Variants in RASGRF2 observed in about 807,000 individuals in gnomAD.
The protein encoded by RASGRF2 is ras-specific guanine nucleotide-releasing factor 2.
RASGRF2 carries 76 observed loss-of-function variants against 151.0 expected under a neutral mutation model. The ratio of observed to expected loss-of-function variants is 0.50; its 90% CI spans 0.42 to 0.61. The LOEUF (loss-of-function observed/expected upper bound fraction) is 0.61, where lower values mean the gene tolerates loss of function less well. Among genes scored for constraint, RASGRF2 ranks in the 20% least tolerant of loss-of-function variants. RASGRF2 has a pLI of 0.00. For missense variants in RASGRF2, 1,148 were observed against 1,564.6 expected (o/e 0.73, Z 4.49); for synonymous variants, 504 against 566.5 (o/e 0.89, Z 1.57).
chr5:81,073,980 C>T (rs1045504791), intron 5 of RASGRF2, among the ~76,000 whole-genome samples: 10 of 151,326 alleles, frequency 6.6e-5, no homozygotes, highest in African/African-American at 2.4e-4. Flanking sequence ...TTTTTCTTCT[C>T]TATTTGACCT....
chr5:81,065,999 T>C (rs2112448103), intron 2 of RASGRF2, among the ~76,000 whole-genome samples: 1 of 152,304 alleles, frequency 6.6e-6, no homozygotes, highest in East Asian at 1.9e-4. Flanking sequence ...GACCTGCCTT[T>C]CTCTTTTTCT....
At chr5:81,098,457 A>G (rs1276011236) in intron 12 of RASGRF2, among the ~76,000 whole-genome samples, 3 of 152,114 alleles carry the variant, frequency 2.0e-5, no homozygotes, top group Non-Finnish European at 4.4e-5. Flanking sequence ...ATGCATAGGT[A>G]GAAGTAAGAG....
chr5:81,186,820 C>T (rs545948510), intron 18 of RASGRF2, among the ~76,000 whole-genome samples: 5 of 152,236 alleles, frequency 3.3e-5, no homozygotes, highest in Admixed American at 6.5e-5. Flanking sequence ...GGGGGTACTT[C>T]GAATCCTGTT....
In RASGRF2 at chr5:81,189,711, CTTTTTTTT is replaced by C. The variant is rs369630375; in HGVS notation, c.2793+9440_2793+9447del. Among the ~76,000 whole-genome samples the C allele has an allele frequency of 4.1e-5, 5 of 120,862 alleles. No homozygotes were observed. In the Admixed American group the frequency reaches 4.4e-4, roughly 11 times the overall value. The allele number at this position is 120,862 out of a possible 152,430, so 79.3% of individuals were successfully genotyped here. ...CAGAGGATAATCGATGGCCTATATA[CTTTTTTTT>C]TTTTTTTTTCAGAGACAGAGTCTCG... On this transcript the variant is annotated intron_variant, in intron 18 of 26. Transcript: ENST00000265080.
chr5:81,010,150 T>C (rs1354715886), intron 1 of RASGRF2, among the ~76,000 whole-genome samples: 1 of 126,304 alleles, frequency 7.9e-6, no homozygotes, highest in Non-Finnish European at 1.7e-5. Flanking sequence ...TGAGATTTCA[T>C]CTCAAAAAAA....
At chr5:80,973,046 C>G (rs1291777599) in intron 1 of RASGRF2, among the ~76,000 whole-genome samples, 1 of 152,140 alleles carries the variant, frequency 6.6e-6, no homozygotes, top group African/African-American at 2.4e-5. Context: ...AAGTTCTAAA[C>G]TTTATGTAGT....
chr5:81,102,081 A>G (rs542681496), intron 12 of RASGRF2, among the ~76,000 whole-genome samples: 37 of 152,332 alleles, frequency 2.4e-4, no homozygotes, highest in Non-Finnish European at 4.9e-4. Context: ...AGGTATATTT[A>G]TAGATAGGAA....
chr5:81,109,226 C>T, intron 13 of RASGRF2, 148 bp downstream of exon 13: 1 of 1,375,760 alleles, frequency 7.3e-7, no homozygotes, highest in Non-Finnish European at 9.5e-7. Flanking sequence ...CATATGATTC[C>T]ATTATAAATG....
intron 1 of RASGRF2, among the ~76,000 whole-genome samples, chr5:81,038,728 A>G (rs982185663): frequency 6.6e-6 from 1 of 151,694 alleles, no homozygotes; most frequent in Non-Finnish European, 1.5e-5. Context: ...GGTGCATGCC[A>G]CCATATCTGG....
At chr5:81,101,351 TAACTTTTTTTTTTAG>T (rs987695936) in intron 12 of RASGRF2, among the ~76,000 whole-genome samples, 1 of 151,688 alleles carries the variant, frequency 6.6e-6, no homozygotes, top group Non-Finnish European at 1.5e-5. Flanking sequence ...TATTATAGTT[TAACTTTTTTTTTTAG>T]AACAGAACTC....
intron 17 of RASGRF2, among the ~76,000 whole-genome samples, chr5:81,179,356 G>A (rs562591439): frequency 1.3e-5 from 2 of 152,294 alleles, no homozygotes; most frequent in East Asian, 3.9e-4. Context: ...ACTTTATGAG[G>A]TAGGTACGCT....
chr5:81,062,632 A>G (rs1443688570), intron 2 of RASGRF2, among the ~76,000 whole-genome samples: 7 of 152,232 alleles, frequency 4.6e-5, no homozygotes, highest in Non-Finnish European at 8.8e-5. Context: ...CATAGTGGTT[A>G]TAACAAATAT....
Position 81,217,493 on chromosome 5 carries a change from T to A in RASGRF2, c.3552+20T>A, listed in dbSNP as rs747656461. On this transcript the variant is annotated intron_variant, in intron 25 of 26. Transcript: ENST00000265080. ...AGAATGGTAGGTATAATTTCATAAT[T>A]AGCCTGTTTCAATGGCTTTAGAGGT... 1.2e-6 allele frequency: 2 copies of A among 1,602,188 alleles called. No homozygotes were observed. The highest frequency in any genetic ancestry group is 3.4e-5 in the Admixed American group (2 of 58,724).
At chr5:80,989,771 A>G (rs1236141626) in intron 1 of RASGRF2, among the ~76,000 whole-genome samples, 1 of 152,226 alleles carries the variant, frequency 6.6e-6, no homozygotes, top group African/African-American at 2.4e-5. Context: ...AACATATACT[A>G]TGATGGTCAT....
chr5:81,070,396 A>G (rs922669683), intron 3 of RASGRF2, 96 bp from the exon 4 acceptor site: 2 of 968,990 alleles, frequency 2.1e-6, no homozygotes, highest in South Asian at 1.4e-5. Context: ...TTTCCTGAGG[A>G]TCTCATTGGA....
At chr5:80,972,126 A>C (rs1356474512) in intron 1 of RASGRF2, among the ~76,000 whole-genome samples, 1 of 152,136 alleles carries the variant, frequency 6.6e-6, no homozygotes. Context: ...AGCTGTTATA[A>C]ATAATCCTGC....
intron 17 of RASGRF2, among the ~76,000 whole-genome samples, chr5:81,178,937 A>C (rs930652594): frequency 7.9e-5 from 12 of 152,042 alleles, no homozygotes; most frequent in South Asian, 4.1e-4. Flanking sequence ...ACGGGGTTTC[A>C]CCATGTTAGC....
intron 2 of RASGRF2, among the ~76,000 whole-genome samples, chr5:81,066,046 T>C (rs1751590368): frequency 6.6e-6 from 1 of 152,188 alleles, no homozygotes; most frequent in Non-Finnish European, 1.5e-5. Flanking sequence ...ACTGCTTTGC[T>C]ACCTAACACT....
intron 1 of RASGRF2, among the ~76,000 whole-genome samples, chr5:80,995,716 G>A (rs574923662): frequency 5.6e-5 from 5 of 88,938 alleles, no homozygotes; most frequent in Admixed American, 1.8e-4. Flanking sequence ...TTTTTGAGAT[G>A]GAGTCTCCGT....
Sources: allele counts gnomAD v4.1 joint callset (sites outside exome capture counted in the v4.1 genomes callset), GRCh38; gene constraint gnomAD v4.1.1; transcripts MANE v1.5; gene names NCBI Gene and HGNC (gene_info 2026-07-23, HGNC 2026-07-21).